The following SLC9C1 variants were observed in gnomAD, a reference collection of about 807,000 sequenced individuals.
SLC9C1 encodes the protein solute carrier family 9 member C1.
Under a neutral mutation model 140.9 loss-of-function variants are expected in SLC9C1, and 97 were observed. The ratio of observed to expected loss-of-function variants is 0.69; its 90% CI spans 0.58 to 0.82. The LOEUF is 0.82. Ranked by LOEUF, SLC9C1 falls within the 40% of genes least tolerant of loss-of-function variation. The pLI, the probability that SLC9C1 is intolerant of heterozygous loss-of-function variation, is 0.00. For missense variants in SLC9C1, 1,340 were observed against 1,389.3 expected, an observed-to-expected ratio of 0.96 and a Z score of 0.56; for synonymous variants, 440 against 442.6, an observed-to-expected ratio of 0.99 and a Z score of 0.07.
chr3:112,209,390 C>A (rs1273692062), intron 15 of SLC9C1, among the ~76,000 whole-genome samples: 2 of 152,168 alleles, frequency 1.3e-5, no homozygotes, highest in African/African-American at 4.8e-5. Flanking sequence ...TCTCTTCCAG[C>A]AGCAAAACCA....
chr3:112,275,996 G>A (rs558594607), intron 5 of SLC9C1, among the ~76,000 whole-genome samples: 91 of 152,170 alleles, frequency 6.0e-4, no homozygotes, highest in African/African-American at 2.0e-3. Flanking sequence ...AGAAGGAAAC[G>A]TAGATCTTCC....
At chr3:112,145,589 CTTTT>C (rs61547345) in intron 28 of SLC9C1, among the ~76,000 whole-genome samples, 4 of 28,244 alleles carry the variant, frequency 1.4e-4, no homozygotes, top group East Asian at 2.7e-3. Context: ...CTGCCCTTGG[CTTTT>C]TTTTTTTTTT....
At chr3:112,152,025 C>G in intron 27 of SLC9C1, 62 bp from the exon 28 acceptor site, 1 of 1,304,616 alleles carries the variant, frequency 7.7e-7, no homozygotes, top group Non-Finnish European at 1.1e-6. Flanking sequence ...GGGCCTGCCC[C>G]TCCACACCTG....
chr3:112,222,264 T>C (rs531410504), intron 13 of SLC9C1, among the ~76,000 whole-genome samples: 25 of 152,268 alleles, frequency 1.6e-4, no homozygotes, highest in African/African-American at 6.0e-4. Context: ...TACTAGAAGA[T>C]GTTAACTGTT....
intron 13 of SLC9C1, among the ~76,000 whole-genome samples, chr3:112,229,562 C>T (rs2078766592): frequency 6.6e-6 from 1 of 151,682 alleles, no homozygotes. Flanking sequence ...TTTAATAACA[C>T]AATGTACAAA....
chr3:112,271,393 G>GTATATATATA lies in SLC9C1; in HGVS notation c.614-1326_614-1317dup, dbSNP rs57918598. ...TAGTTTGATTTAATCATTCTACATTGTATATATATATATATATCAAAGCCT... is the reference window on the plus strand; with the variant it reads ...TAGTTTGATTTAATCATTCTACATTGTATATATATATATATATATATATATATCAAAGCCT... On this transcript the variant is annotated intron_variant, in intron 6 of 28. Transcript: ENST00000305815. 3.7e-3 allele frequency among the ~76,000 whole-genome samples: 467 copies of GTATATATATA among 125,576 alleles called. 32 individuals carry two copies. Among genetic ancestry groups the GTATATATATA allele is most frequent in the Middle Eastern group, 4.4e-3 (1 of 228 alleles). 82.4% of individuals were successfully genotyped at this position (125,576 alleles called of 152,430 possible).
chr3:112,185,666 G>A lies in SLC9C1; in HGVS notation c.2524-3408C>T, dbSNP rs1346522102. 98 of 1,554,814 alleles carry A rather than the reference G, an allele frequency of 6.3e-5. No homozygotes were observed. The South Asian group carries it at 1.1e-3, about 18-fold the overall frequency. ...CTCCTTGGCGGTCCAGTGAGTGGGG[G>A]CGGGTGCTCCGGAGGCGTGCACGCT... On this transcript the variant is annotated intron_variant, in intron 20 of 28. Transcript: ENST00000305815.
intron 17 of SLC9C1, 56 bp downstream of exon 17, chr3:112,204,162 T>C (rs921605777): frequency 1.5e-6 from 2 of 1,374,378 alleles, no homozygotes; most frequent in Non-Finnish European, 9.4e-7. Context: ...TTTTACTCTA[T>C]GTTTTATGAA....
chr3:112,224,956 A>T (rs957245244), intron 13 of SLC9C1, among the ~76,000 whole-genome samples: 1 of 152,044 alleles, frequency 6.6e-6, no homozygotes, highest in Admixed American at 6.6e-5. Context: ...GGGAAAAGGC[A>T]TAGAAAACAT....
chr3:112,226,568 A>C (rs62279470), intron 13 of SLC9C1, among the ~76,000 whole-genome samples: 44,481 of 151,692 alleles, frequency 0.29, 6,676 homozygotes, highest in East Asian at 0.35. Context: ...CTAAAATTAC[A>C]AAAATTAGCC....
At chr3:112,217,300 C>T in intron 15 of SLC9C1, 142 bp downstream of exon 15, 6 of 846,730 alleles carry the variant, frequency 7.1e-6, no homozygotes, top group Non-Finnish European at 8.5e-6. Context: ...CACATGTATG[C>T]ATATGTAACC....
At chr3:112,218,152 G>A (rs2078436707) in intron 14 of SLC9C1, among the ~76,000 whole-genome samples, 1 of 145,862 alleles carries the variant, frequency 6.9e-6, no homozygotes, top group South Asian at 2.2e-4. Context: ...CTTGTCCCAA[G>A]TTTTCTGTAG....
At chr3:112,279,157 G>A (rs2080294887) in intron 3 of SLC9C1, among the ~76,000 whole-genome samples, 1 of 152,088 alleles carries the variant, frequency 6.6e-6, no homozygotes, top group Non-Finnish European at 1.5e-5. Context: ...CCTATTCTAG[G>A]TATCCATTCA....
intron 10 of SLC9C1, among the ~76,000 whole-genome samples, chr3:112,247,319 G>A (rs547280700): frequency 6.6e-6 from 1 of 152,050 alleles, no homozygotes; most frequent in Non-Finnish European, 1.5e-5. Context: ...TTAGATTTGA[G>A]GCTTTCCAGC....
At chr3:112,281,500 A>G (rs1288753766) in intron 2 of SLC9C1, among the ~76,000 whole-genome samples, 2 of 152,222 alleles carry the variant, frequency 1.3e-5, no homozygotes, top group Non-Finnish European at 2.9e-5. Context: ...ACCGATTTTT[A>G]ATTCAAGGAA....
At chr3:112,275,843 G>T (rs1264868205) in intron 5 of SLC9C1, among the ~76,000 whole-genome samples, 1 of 152,010 alleles carries the variant, frequency 6.6e-6, no homozygotes, top group African/African-American at 2.4e-5. Flanking sequence ...TATGCCCTTC[G>T]CTGTAAGACT....
At chr3:112,218,349 T>A (rs1365483560) in intron 14 of SLC9C1, among the ~76,000 whole-genome samples, 1 of 152,138 alleles carries the variant, frequency 6.6e-6, no homozygotes, top group Non-Finnish European at 1.5e-5. Context: ...TACCTTATAA[T>A]GTGGCTTAAT....
chr3:112,163,994 T>G (rs28786098), intron 26 of SLC9C1, among the ~76,000 whole-genome samples: 4,903 of 152,310 alleles, frequency 0.032, 112 homozygotes, highest in Middle Eastern at 0.054. Context: ...AGTTAGCTCT[T>G]CTTGTTGAAT....
chr3:112,211,929 C>T (rs1480258940), intron 15 of SLC9C1, among the ~76,000 whole-genome samples: 4 of 152,310 alleles, frequency 2.6e-5, no homozygotes, highest in East Asian at 3.9e-4. Flanking sequence ...CTCTGACCCC[C>T]GAGTAGCCTA....
Sources: allele counts gnomAD v4.1 joint callset (sites outside exome capture counted in the v4.1 genomes callset), GRCh38; gene constraint gnomAD v4.1.1; transcripts MANE v1.5; gene names NCBI Gene and HGNC (gene_info 2026-07-23, HGNC 2026-07-21).